RGS5: variants seen among roughly 807,000 people sequenced by gnomAD.
RGS5 encodes the protein regulator of G-protein signalling 5.
Under a neutral mutation model 18.9 loss-of-function variants are expected in RGS5, and 20 were observed. The ratio of observed to expected loss-of-function variants is 1.06; its 90% CI spans 0.74 to 1.54. The LOEUF is 1.54. Among genes scored for constraint, RGS5 ranks in the 40% most tolerant of loss-of-function variants. The pLI is 0.00. For synonymous variants in RGS5, 57 were observed against 76.2 expected, an observed-to-expected ratio of 0.75 and a Z score of 1.31; for missense variants, 201 against 211.8, an observed-to-expected ratio of 0.95 and a Z score of 0.32.
chr1:163,168,917 T>A (rs537571962), intron 1 of RGS5, among the ~76,000 whole-genome samples: 1 of 152,270 alleles, frequency 6.6e-6, no homozygotes, highest in Non-Finnish European at 1.5e-5. Flanking sequence ...AACATGCAGG[T>A]TTGTTACATA....
intron 1 of RGS5, among the ~76,000 whole-genome samples, chr1:163,183,462 T>C (rs1225454203): frequency 6.6e-6 from 1 of 152,208 alleles, no homozygotes; most frequent in Non-Finnish European, 1.5e-5. Context: ...AAAGGAGACA[T>C]GTATAGATGC....
intron 4 of RGS5, among the ~76,000 whole-genome samples, chr1:163,149,591 A>T (rs563813779): frequency 6.6e-6 from 1 of 152,322 alleles, no homozygotes; most frequent in South Asian, 2.1e-4. Context: ...CAGAAACAAT[A>T]TCATTTCATT....
At chr1:163,303,715 A>C (rs956531471) in intron 2 of RGS5, among the ~76,000 whole-genome samples, 8 of 152,124 alleles carry the variant, frequency 5.3e-5, no homozygotes, top group African/African-American at 1.9e-4. Flanking sequence ...GCCTGTTAGG[A>C]ACCAGGCCAC....
chr1:163,203,457 G>C (rs2815272), upstream of RGS5, among the ~76,000 whole-genome samples: 7,743 of 152,210 alleles, frequency 0.051, 627 homozygotes, highest in African/African-American at 0.17. Flanking sequence ...CACATTATAA[G>C]TAAGTGATGG....
At chr1:163,163,098 G>A (rs77198463) in intron 2 of RGS5, among the ~76,000 whole-genome samples, 10 of 151,814 alleles carry the variant, frequency 6.6e-5, no homozygotes, top group African/African-American at 2.2e-4. Flanking sequence ...ACAGCTGCTT[G>A]TTCTACTTTT....
At chr1:163,308,328 G>T (rs1257941485) in intron 1 of RGS5, among the ~76,000 whole-genome samples, 1 of 152,134 alleles carries the variant, frequency 6.6e-6, no homozygotes, top group Non-Finnish European at 1.5e-5. Flanking sequence ...GACACAATAA[G>T]TAATAAGTTC....
intron 1 of RGS5, among the ~76,000 whole-genome samples, chr1:163,201,621 C>T (rs1035105553): frequency 6.6e-6 from 1 of 151,882 alleles, no homozygotes; most frequent in African/African-American, 2.4e-5. Context: ...GAGTAAGTCT[C>T]CCTGGAGGTT....
chr1:163,163,893 G>A lies in RGS5; in HGVS notation c.156-1917C>T, dbSNP rs79468629. 2.0e-4 allele frequency among the ~76,000 whole-genome samples: 31 copies of A among 152,258 alleles called. No homozygotes were observed. The East Asian group carries it at 5.8e-3, about 28-fold the overall frequency. ...CACTTTCCTGCCCCACTTTTCCTCTGGTTAGTATAGAGGAGCAAAGGAAGA... is the reference window on the plus strand; with the variant it reads ...CACTTTCCTGCCCCACTTTTCCTCTAGTTAGTATAGAGGAGCAAAGGAAGA... On this transcript the variant is annotated intron_variant, in intron 2 of 4. Coordinates refer to ENST00000313961, the MANE Select transcript of RGS5 (RefSeq NM_003617.4).
At chr1:163,312,987 G>A (rs990990032) in intron 1 of RGS5, among the ~76,000 whole-genome samples, 3 of 152,128 alleles carry the variant, frequency 2.0e-5, no homozygotes, top group Admixed American at 6.5e-5. Flanking sequence ...CACCTGCATG[G>A]TTTACCATTC....
chr1:163,167,001 C>T (rs1424318756), intron 2 of RGS5, among the ~76,000 whole-genome samples: 4 of 152,190 alleles, frequency 2.6e-5, no homozygotes, highest in African/African-American at 9.6e-5. Context: ...ATTAGCTTCT[C>T]CTTTTCAAAT....
At chr1:163,246,915 A>G (rs2814369) in intron 2 of RGS5, among the ~76,000 whole-genome samples, 4,460 of 152,322 alleles carry the variant, frequency 0.029, 213 homozygotes, top group African/African-American at 0.1. Flanking sequence ...AAAAGAATGA[A>G]ATCATGTCGT....
At chr1:163,302,887 C>G (rs1468699166) in intron 2 of RGS5, among the ~76,000 whole-genome samples, 1 of 152,164 alleles carries the variant, frequency 6.6e-6, no homozygotes, top group Admixed American at 6.5e-5. Flanking sequence ...CTCCTGCAAA[C>G]CTTTATAGCA....
intron 2 of RGS5, among the ~76,000 whole-genome samples, chr1:163,249,050 G>A (rs1416914041): frequency 2.0e-5 from 3 of 152,130 alleles, no homozygotes; most frequent in Non-Finnish European, 2.9e-5. Flanking sequence ...CAAGAGAAAT[G>A]TGCTCATATT....
chr1:163,218,152 T>C (rs1412798494), upstream of RGS5, among the ~76,000 whole-genome samples: 2 of 152,316 alleles, frequency 1.3e-5, no homozygotes, highest in African/African-American at 4.8e-5. Flanking sequence ...CCATGAGTTC[T>C]TCATCAGGGC....
In RGS5 at chr1:163,142,772, C is replaced by T. The variant is rs2102372924; in HGVS notation, c.*4570G>A. The stretch of plus-strand genomic sequence containing the variant: ...TTGGACCCAAATATGTTAAATATTT[C>T]CTCTTGCAAAGGGAGAAGAGGAAGG... On this transcript the variant is annotated 3_prime_UTR_variant, in exon 5 of 5. Transcript: ENST00000313961. 6.6e-6 allele frequency: 1 copy of T among 151,988 alleles called. No individual in the cohort carries two copies. The highest frequency in any genetic ancestry group is 1.9e-4 in the East Asian group (1 of 5,166). 9.4% of individuals were successfully genotyped at this position (151,988 alleles called of 1,614,324 possible).
At chr1:163,264,378 T>C (rs1331345285) in intron 2 of RGS5, among the ~76,000 whole-genome samples, 1 of 152,186 alleles carries the variant, frequency 6.6e-6, no homozygotes, top group African/African-American at 2.4e-5. Flanking sequence ...TAGTCATATC[T>C]ACTTGATAGA....
At chr1:163,292,590 C>T (rs752219815) in intron 2 of RGS5, among the ~76,000 whole-genome samples, 2 of 152,266 alleles carry the variant, frequency 1.3e-5, no homozygotes, top group African/African-American at 4.8e-5. Flanking sequence ...TAAGAAGTCA[C>T]CACACTGTTT....
chr1:163,259,757 C>T (rs935134924), intron 2 of RGS5: 5 of 152,314 alleles, frequency 3.3e-5, no homozygotes, highest in African/African-American at 1.2e-4. Context: ...GAAGAAAAGA[C>T]ATTAGGAAAA....
chr1:163,155,609 T>A (rs1657549149), intron 3 of RGS5, among the ~76,000 whole-genome samples: 1 of 152,170 alleles, frequency 6.6e-6, no homozygotes, highest in Non-Finnish European at 1.5e-5. Flanking sequence ...TCAGCCACTA[T>A]CTCTGTTTAG....
Sources: gnomAD v4.1 joint callset for allele counts (sites outside exome capture counted in the v4.1 genomes callset) on GRCh38, gnomAD v4.1.1 for gene constraint, MANE v1.5 for transcripts, NCBI Gene and HGNC (gene_info 2026-07-23, HGNC 2026-07-21) for gene names.